Variants in MAF observed in about 807,000 individuals in gnomAD.
MAF encodes the protein transcription factor Maf.
Under a neutral mutation model 22.0 loss-of-function variants are expected in MAF, and 10 were observed. The ratio of observed to expected loss-of-function variants is 0.45; its 90% confidence interval spans 0.28 to 0.77. The LOEUF (loss-of-function observed/expected upper bound fraction) is 0.77, where lower values mean the gene tolerates loss of function less well. Ranked by LOEUF, MAF falls within the 30% of genes least tolerant of loss-of-function variation. The probability of loss-of-function intolerance (pLI) is 0.12; values close to 1 mark genes in which losing one functional copy is unlikely to be tolerated. For missense variants in MAF, 544 were observed against 548.4 expected, an observed-to-expected ratio of 0.99 and a Z score of 0.08; for synonymous variants, 337 against 255.8, an observed-to-expected ratio of 1.32 and a Z score of -3.03.
Position 79,594,305 on chromosome 16 carries a change from A to C in MAF, c.*155T>G. 1 of 723,768 alleles carries C rather than the reference A, an allele frequency of 1.4e-6. No homozygotes were observed. The highest frequency in any genetic ancestry group is 2.4e-6 in the Non-Finnish European group (1 of 424,884). The allele number at this position is 723,768 out of a possible 1,614,324, so 44.8% of individuals were successfully genotyped here. On this transcript the variant is annotated 3_prime_UTR_variant, in exon 2 of 2. Transcript: ENST00000326043. ...TCTATGAAACCCCCAGACAAGAGGCATAGTTAACTACTACATTTAATAGCC... is the reference window on the plus strand; with the variant it reads ...TCTATGAAACCCCCAGACAAGAGGCCTAGTTAACTACTACATTTAATAGCC...
chr16:79,475,119 CA>C, the MAF span, among the ~76,000 whole-genome samples: 1 of 152,188 alleles, frequency 6.6e-6, no homozygotes, highest in African/African-American at 2.4e-5. Context: ...TGCAGCTCAG[CA>C]GTGTCCCTTC....
the MAF span, among the ~76,000 whole-genome samples, chr16:79,209,729 C>G: frequency 2.0e-5 from 3 of 152,346 alleles, no homozygotes; most frequent in East Asian, 1.9e-4. Flanking sequence ...GGATGAGCAT[C>G]TCAATTCTCC....
the MAF span, among the ~76,000 whole-genome samples, chr16:79,407,596 CATTA>C: frequency 6.6e-6 from 1 of 152,128 alleles, no homozygotes; most frequent in Non-Finnish European, 1.5e-5. Flanking sequence ...TGGCACGACC[CATTA>C]ACAACAGCTC....
At chr16:79,285,889 T>G in the MAF span, among the ~76,000 whole-genome samples, 40 of 152,296 alleles carry the variant, frequency 2.6e-4, no homozygotes, top group Admixed American at 1.0e-3. Flanking sequence ...TGTGGCAAAT[T>G]ATTCCCACTG....
At chr16:79,392,069 CAG>C in the MAF span, among the ~76,000 whole-genome samples, 3 of 138,134 alleles carry the variant, frequency 2.2e-5, no homozygotes, top group Non-Finnish European at 3.1e-5. Context: ...GAGGAGAAGA[CAG>C]AGGAGATGCA....
At chr16:79,564,546 C>A in the MAF span, among the ~76,000 whole-genome samples, 7 of 152,316 alleles carry the variant, frequency 4.6e-5, no homozygotes, top group South Asian at 6.2e-4. Context: ...CCTGAAGAAG[C>A]CGCACTGTTT....
chr16:79,383,319 T>C, the MAF span, among the ~76,000 whole-genome samples: 1 of 152,078 alleles, frequency 6.6e-6, no homozygotes, highest in Non-Finnish European at 1.5e-5. Context: ...ATAAATAGTA[T>C]GCTGGCATCA....
the MAF span, among the ~76,000 whole-genome samples, chr16:79,364,703 T>G: frequency 6.6e-6 from 1 of 152,174 alleles, no homozygotes; most frequent in Non-Finnish European, 1.5e-5. Context: ...ATTCATATGA[T>G]TTTGATAGAA....
the MAF span, among the ~76,000 whole-genome samples, chr16:79,309,070 A>C: frequency 2.6e-5 from 4 of 152,326 alleles, no homozygotes; most frequent in African/African-American, 7.2e-5. Flanking sequence ...CCCTGGGCGC[A>C]GAGAGAGGTG....
Position 79,594,164 on chromosome 16 carries a change from T to G in MAF, c.*296A>C. On this transcript the variant is annotated 3_prime_UTR_variant, in exon 2 of 2. Coordinates refer to ENST00000326043, the MANE Select transcript of MAF (RefSeq NM_005360.5). ...TTTCCATTATATATATGCATATATA[T>G]GTATCTTTGTAATTTCAGTGAATTT... The G allele has an allele frequency of 2.4e-6, 1 of 417,370 alleles. No individual in the cohort carries two copies. Among genetic ancestry groups the G allele is most frequent in the Non-Finnish European group, 4.4e-6 (1 of 225,886 alleles). The allele number at this position is 417,370 out of a possible 1,614,324, so 25.9% of individuals were successfully genotyped here. A position where few individuals can be genotyped will look rare whatever the true frequency, so the allele number is the denominator to read the frequency against.
At chr16:79,422,044 C>CTAGGA in the MAF span, among the ~76,000 whole-genome samples, 3 of 152,164 alleles carry the variant, frequency 2.0e-5, no homozygotes, top group African/African-American at 7.2e-5. Flanking sequence ...TCCCAAAATG[C>CTAGGA]TAGGATTACA....
At chr16:79,322,454 G>A in the MAF span, among the ~76,000 whole-genome samples, 1 of 152,180 alleles carries the variant, frequency 6.6e-6, no homozygotes, top group African/African-American at 2.4e-5. Flanking sequence ...TAAGTTTGCT[G>A]CGTAAAAAGG....
the MAF span, among the ~76,000 whole-genome samples, chr16:79,221,432 C>A: frequency 1.3e-5 from 2 of 152,080 alleles, no homozygotes; most frequent in South Asian, 4.2e-4. Context: ...ATTCACAGCT[C>A]AGCACTTTCA....
At chr16:79,233,112 T>G in the MAF span, among the ~76,000 whole-genome samples, 1 of 151,948 alleles carries the variant, frequency 6.6e-6, no homozygotes, top group Non-Finnish European at 1.5e-5. Context: ...AGTGCTGGGA[T>G]TATAGGCGTG....
the MAF span, among the ~76,000 whole-genome samples, chr16:79,408,566 C>G: frequency 3.3e-5 from 5 of 151,842 alleles, no homozygotes; most frequent in African/African-American, 1.2e-4. Flanking sequence ...TAAACTGGAA[C>G]TAATAATCTG....
the MAF span, among the ~76,000 whole-genome samples, chr16:79,255,064 G>A: frequency 6.6e-6 from 1 of 152,180 alleles, no homozygotes; most frequent in Non-Finnish European, 1.5e-5. Context: ...CACCGGTGCA[G>A]TTTTATGTCT....
chr16:79,211,605 C>G, the MAF span: 3 of 1,614,042 alleles, frequency 1.9e-6, no homozygotes, highest in African/African-American at 4.0e-5. Flanking sequence ...CTTGGATTTC[C>G]AGCAACAGGG....
the MAF span, among the ~76,000 whole-genome samples, chr16:79,237,349 C>T: frequency 6.6e-6 from 1 of 151,926 alleles, no homozygotes. Context: ...AGCCTCATGG[C>T]GTTTGCTGGT....
At chr16:79,340,766 A>C in the MAF span, among the ~76,000 whole-genome samples, 1 of 152,084 alleles carries the variant, frequency 6.6e-6, no homozygotes, top group South Asian at 2.1e-4. Context: ...ACCGCTCCTG[A>C]GTTGTGATGA....
Sources: gnomAD v4.1 joint callset for allele counts (sites outside exome capture counted in the v4.1 genomes callset) on GRCh38, gnomAD v4.1.1 for gene constraint, MANE v1.5 for transcripts, NCBI Gene and HGNC (gene_info 2026-07-23, HGNC 2026-07-21) for gene names.